Variants in CALN1 observed in about 807,000 individuals in gnomAD.
The protein encoded by CALN1 is calcium-binding protein 8.
A neutral mutation model predicts 30.6 loss-of-function variants in CALN1; 17 were observed. The ratio of observed to expected loss-of-function variants is 0.56; its 90% confidence interval spans 0.38 to 0.83. The LOEUF is 0.83. Ranked by LOEUF, CALN1 falls within the 40% of genes least tolerant of loss-of-function variation. CALN1 has a pLI of 0.00. For synonymous variants in CALN1, 156 were observed against 131.4 expected (o/e 1.19, Z -1.28); for missense variants, 291 against 354.9 (o/e 0.82, Z 1.45).
chr7:71,802,515 T>C (rs1787366553), intron 6 of CALN1, among the ~76,000 whole-genome samples: 2 of 152,174 alleles, frequency 1.3e-5, no homozygotes, highest in Admixed American at 1.3e-4. Flanking sequence ...CAGGCTGAAG[T>C]GCACTGGTGC....
intron 3 of CALN1, among the ~76,000 whole-genome samples, chr7:72,125,829 T>C (rs1034476068): frequency 7.8e-6 from 1 of 127,850 alleles, no homozygotes; most frequent in African/African-American, 3.0e-5. Context: ...TGAGACGGAG[T>C]CTTGCCCTGT....
At chr7:72,280,770 G>A (rs369640246) in intron 2 of CALN1, among the ~76,000 whole-genome samples, 12 of 152,138 alleles carry the variant, frequency 7.9e-5, no homozygotes, top group African/African-American at 2.9e-4. Flanking sequence ...ACCTTTAAGA[G>A]GTGATTAGGT....
At chr7:72,397,794 T>C (rs1255962571) in intron 2 of CALN1, among the ~76,000 whole-genome samples, 6 of 133,496 alleles carry the variant, frequency 4.5e-5, no homozygotes, top group South Asian at 2.4e-4. Context: ...TAGCCTACCC[T>C]TAGGACTTAC....
chr7:72,354,532 C>G (rs1192085025), intron 2 of CALN1, among the ~76,000 whole-genome samples: 2 of 152,116 alleles, frequency 1.3e-5, no homozygotes, highest in Non-Finnish European at 2.9e-5. Context: ...TTCTTTCCAA[C>G]TGATTTCAAG....
chr7:72,401,426 A>C (rs987997893), intron 2 of CALN1, among the ~76,000 whole-genome samples: 1 of 152,182 alleles, frequency 6.6e-6, no homozygotes, highest in African/African-American at 2.4e-5. Flanking sequence ...GAAAATCTTT[A>C]AGGAATGTGT....
chr7:71,826,622 G>A (rs184993081), intron 5 of CALN1, among the ~76,000 whole-genome samples: 34 of 152,280 alleles, frequency 2.2e-4, no homozygotes, highest in Admixed American at 5.9e-4. Context: ...GACCATGTTG[G>A]AGGGGACAGG....
intron 2 of CALN1, among the ~76,000 whole-genome samples, chr7:72,296,523 A>G (rs1798872842): frequency 6.6e-6 from 1 of 151,094 alleles, no homozygotes; most frequent in Non-Finnish European, 1.5e-5. Flanking sequence ...ACTATTGATT[A>G]TTGCCACAAT....
At chr7:72,420,106 A>G (rs1297020965) in intron 1 of CALN1, among the ~76,000 whole-genome samples, 1 of 152,188 alleles carries the variant, frequency 6.6e-6, no homozygotes, top group Non-Finnish European at 1.5e-5. Flanking sequence ...AGGCTGAGTG[A>G]AATGAGCCAC....
intron 5 of CALN1, among the ~76,000 whole-genome samples, chr7:71,812,129 G>A (rs753989769): frequency 7.2e-5 from 11 of 152,106 alleles, no homozygotes; most frequent in African/African-American, 9.7e-5. Context: ...CTGTTCCTTC[G>A]GGCTGGGTCT....
rs577038259 is a variant in CALN1, at chr7:71,906,331, C to T, written c.502-95839G>A. 9.9e-5 allele frequency among the ~76,000 whole-genome samples: 15 copies of T among 152,216 alleles called. No individual in the cohort carries two copies. In the South Asian group the frequency reaches 2.7e-3, roughly 27 times the overall value. On this transcript the variant is annotated intron_variant, in intron 5 of 6. Transcript: ENST00000395275. ...ATTTAGAGGTAGACCACGTATTTCC[C>T]GGGCCATGAGCCAGCAGGCAGTGAG...
intron 5 of CALN1, among the ~76,000 whole-genome samples, chr7:71,877,862 T>C (rs564374232): frequency 4.0e-4 from 61 of 152,314 alleles, no homozygotes; most frequent in African/African-American, 1.3e-3. Context: ...ATGAGGGGCA[T>C]TGATTTTATG....
chr7:72,066,122 T>C (rs1403290864), intron 4 of CALN1, among the ~76,000 whole-genome samples: 1 of 152,218 alleles, frequency 6.6e-6, no homozygotes, highest in African/African-American at 2.4e-5. Flanking sequence ...GTATAGTTGA[T>C]TGTTTGGATG....
At chr7:71,922,400 G>A (rs1476414030) in intron 5 of CALN1, among the ~76,000 whole-genome samples, 1 of 150,304 alleles carries the variant, frequency 6.7e-6, no homozygotes, top group East Asian at 1.9e-4. Flanking sequence ...CAACTAGTTA[G>A]TGACAATTTA....
At chr7:72,140,345 AGGGAGGGAGGG>A (rs1809827821) in intron 3 of CALN1, among the ~76,000 whole-genome samples, 2 of 13,244 alleles carry the variant, frequency 1.5e-4, no homozygotes, top group Admixed American at 1.2e-3. Flanking sequence ...GAAGGAAGGG[AGGGAGGGAGGG>A]AGGGAGGGAG....
At chr7:72,317,014 AG>A (rs113144821) in intron 2 of CALN1, among the ~76,000 whole-genome samples, 7 of 148,884 alleles carry the variant, frequency 4.7e-5, no homozygotes, top group African/African-American at 1.7e-4. Context: ...GAAAGGAAGA[AG>A]GAAGGAAAGG....
chr7:72,348,628 G>C (rs557366844), intron 2 of CALN1, among the ~76,000 whole-genome samples: 3 of 152,350 alleles, frequency 2.0e-5, no homozygotes, highest in Non-Finnish European at 2.9e-5. Context: ...CTGGAAAATA[G>C]GCAAGTTCTG....
At chr7:71,877,891 T>A (rs1792341788) in intron 5 of CALN1, among the ~76,000 whole-genome samples, 1 of 152,132 alleles carries the variant, frequency 6.6e-6, no homozygotes. Flanking sequence ...TATACAAGCA[T>A]CTAGTAGAAA....
intron 4 of CALN1, among the ~76,000 whole-genome samples, chr7:72,065,755 T>C (rs1159369135): frequency 6.6e-6 from 1 of 152,028 alleles, no homozygotes; most frequent in Non-Finnish European, 1.5e-5. Flanking sequence ...TAGCCAGGCG[T>C]GGAGGCGGGT....
chr7:72,176,851 C>T (rs1251257213), intron 3 of CALN1, among the ~76,000 whole-genome samples: 2 of 152,066 alleles, frequency 1.3e-5, no homozygotes, highest in African/African-American at 2.4e-5. Context: ...TATTTGGTGC[C>T]AGATCCCCTT....
Sources: gnomAD v4.1 joint callset for allele counts (sites outside exome capture counted in the v4.1 genomes callset) on GRCh38, gnomAD v4.1.1 for gene constraint, MANE v1.5 for transcripts, NCBI Gene and HGNC (gene_info 2026-07-23, HGNC 2026-07-21) for gene names.